The following GMDS variants were observed in gnomAD, a reference collection of about 807,000 sequenced individuals.
GMDS encodes the protein GDP-mannose 4,6-dehydratase.
In GMDS, 20 loss-of-function variants were observed where a neutral mutation model predicts 49.9. The observed-to-expected ratio is 0.40, with a 90% CI of 0.28 to 0.58. The LOEUF (loss-of-function observed/expected upper bound fraction) is 0.58. Ranked by LOEUF, GMDS falls within the 20% of genes least tolerant of loss-of-function variation. GMDS has a pLI of 0.42. For synonymous variants in GMDS, 177 were observed against 178.6 expected (o/e 0.99, Z 0.07); for missense variants, 362 against 481.4 (o/e 0.75, Z 2.32).
At chr6:1,787,969 C>T (rs763952399) in intron 7 of GMDS, among the ~76,000 whole-genome samples, 20 of 152,222 alleles carry the variant, frequency 1.3e-4, no homozygotes, top group African/African-American at 4.3e-4. Context: ...GAAGGCAACC[C>T]GAGACAGGCA....
At chr6:2,192,637 C>T (rs1779089328) in intron 1 of GMDS, among the ~76,000 whole-genome samples, 1 of 152,226 alleles carries the variant, frequency 6.6e-6, no homozygotes, top group South Asian at 2.1e-4. Flanking sequence ...GGGAAGCTGT[C>T]TGCAGTGCAC....
chr6:2,045,095 T>C (rs543746625), intron 4 of GMDS, among the ~76,000 whole-genome samples: 9 of 152,280 alleles, frequency 5.9e-5, no homozygotes, highest in African/African-American at 1.9e-4. Context: ...CTGTGGTCAC[T>C]AGCCTATTTA....
At chr6:1,789,532 C>CTTTTTTTTTTTTT (rs59996305) in intron 7 of GMDS, among the ~76,000 whole-genome samples, 32 of 141,316 alleles carry the variant, frequency 2.3e-4, no homozygotes, top group South Asian at 4.5e-4. Context: ...TTTCTTTTTT[C>CTTTTTTTTTTTTT]TTTTTTTTTT....
intron 7 of GMDS, among the ~76,000 whole-genome samples, chr6:1,877,629 C>T (rs914601087): frequency 7.4e-6 from 1 of 135,050 alleles, no homozygotes; most frequent in Admixed American, 8.3e-5. Context: ...CAGAGTGAGA[C>T]CCCATCTCAA....
At chr6:1,955,331 T>C (rs1763571737) in intron 6 of GMDS, among the ~76,000 whole-genome samples, 1 of 152,216 alleles carries the variant, frequency 6.6e-6, no homozygotes, top group South Asian at 2.1e-4. Context: ...GATTGCCTAC[T>C]TTTTTATTTT....
intron 1 of GMDS, among the ~76,000 whole-genome samples, chr6:2,202,344 G>C (rs1250559810): frequency 6.6e-6 from 1 of 151,428 alleles, no homozygotes; most frequent in African/African-American, 2.4e-5. Flanking sequence ...ATGCACATCC[G>C]AGATGAAACC....
intron 9 of GMDS, among the ~76,000 whole-genome samples, chr6:1,681,577 C>T (rs138423627): frequency 9.2e-5 from 14 of 152,280 alleles, no homozygotes; most frequent in African/African-American, 2.2e-4. Context: ...GGAAGGCCTC[C>T]GGTGGAGAGT....
At chr6:1,674,560 C>CTTTTTTTTTTTTT (rs869292549) in intron 9 of GMDS, among the ~76,000 whole-genome samples, 5 of 73,436 alleles carry the variant, frequency 6.8e-5, no homozygotes, top group African/African-American at 1.3e-4. Context: ...CTCTCTCTCT[C>CTTTTTTTTTTTTT]TTTTTTTTTT....
At chr6:1,947,775 C>A (rs1482166903) in intron 6 of GMDS, among the ~76,000 whole-genome samples, 1 of 152,178 alleles carries the variant, frequency 6.6e-6, no homozygotes, top group Non-Finnish European at 1.5e-5. Flanking sequence ...ACAACAGAAG[C>A]AAAGACCATT....
At chr6:2,044,701 C>T (rs184788458) in intron 4 of GMDS, among the ~76,000 whole-genome samples, 22 of 152,152 alleles carry the variant, frequency 1.4e-4, no homozygotes, top group African/African-American at 4.1e-4. Context: ...CACGTGTACC[C>T]CTGAACTTTT....
intron 9 of GMDS, among the ~76,000 whole-genome samples, chr6:1,683,147 A>G (rs903244047): frequency 3.3e-5 from 5 of 152,088 alleles, no homozygotes; most frequent in Admixed American, 3.3e-4. Flanking sequence ...TTTTTGAGTC[A>G]GAGTCTTGCT....
chr6:1,743,567 T>C (rs1227055959), intron 7 of GMDS, among the ~76,000 whole-genome samples: 1 of 150,946 alleles, frequency 6.6e-6, no homozygotes, highest in Non-Finnish European at 1.5e-5. Flanking sequence ...AAAATGGATG[T>C]CTATACAGGT....
At chr6:2,173,469 C>G (rs1778120292) in intron 1 of GMDS, among the ~76,000 whole-genome samples, 1 of 152,148 alleles carries the variant, frequency 6.6e-6, no homozygotes, top group African/African-American at 2.4e-5. Context: ...AGGAGGGCAG[C>G]AAGGCAGAGA....
chr6:2,173,310 T>C (rs1446712888), intron 1 of GMDS, among the ~76,000 whole-genome samples: 1 of 152,170 alleles, frequency 6.6e-6, no homozygotes, highest in Non-Finnish European at 1.5e-5. Context: ...TCATCTACAG[T>C]AAGAAATTAA....
chr6:2,218,786 G>A (rs139590041), intron 1 of GMDS, among the ~76,000 whole-genome samples: 1 of 152,248 alleles, frequency 6.6e-6, no homozygotes, highest in Non-Finnish European at 1.5e-5. Flanking sequence ...CAACAACCCT[G>A]AAATTAGAGT....
chr6:1,914,552 C>A (rs947792906), intron 7 of GMDS, among the ~76,000 whole-genome samples: 1 of 152,060 alleles, frequency 6.6e-6, no homozygotes, highest in Non-Finnish European at 1.5e-5. Context: ...TCTTGCACAT[C>A]TGGTTTACTG....
intron 9 of GMDS, among the ~76,000 whole-genome samples, chr6:1,724,897 C>T (rs1160497960): frequency 6.6e-6 from 1 of 152,196 alleles, no homozygotes; most frequent in African/African-American, 2.4e-5. Flanking sequence ...GGACAATGCA[C>T]GACTCCACAG....
intron 1 of GMDS, among the ~76,000 whole-genome samples, chr6:2,146,882 C>A (rs552893442): frequency 6.6e-6 from 1 of 152,266 alleles, no homozygotes; most frequent in South Asian, 2.1e-4. Flanking sequence ...ACAGCAAAGT[C>A]TTCCTAAAGA....
At chr6:1,708,052 A>C (rs1436503013) in intron 9 of GMDS, among the ~76,000 whole-genome samples, 6 of 152,238 alleles carry the variant, frequency 3.9e-5, no homozygotes, top group Non-Finnish European at 7.3e-5. Flanking sequence ...ATGAAATACA[A>C]ATAAACAAAA....
Sources: allele counts gnomAD v4.1 joint callset (sites outside exome capture counted in the v4.1 genomes callset), GRCh38; gene constraint gnomAD v4.1.1; transcripts MANE v1.5; gene names NCBI Gene and HGNC (gene_info 2026-07-23, HGNC 2026-07-21).